Variants in CUX2 observed in about 807,000 individuals in gnomAD.
CUX2 encodes the protein homeobox protein cut-like 2.
A neutral mutation model predicts 144.8 loss-of-function variants in CUX2; 40 were observed. The observed-to-expected ratio is 0.28, with a 90% CI of 0.21 to 0.36. CUX2 has a LOEUF of 0.36. Among genes scored for constraint, CUX2 ranks in the 10% least tolerant of loss-of-function variants. The pLI, the probability that CUX2 is intolerant of heterozygous loss-of-function variation, is 1.00. For synonymous variants in CUX2, 827 were observed against 875.6 expected, an observed-to-expected ratio of 0.94 and a Z score of 0.98; for missense variants, 1,615 against 1,994.0, an observed-to-expected ratio of 0.81 and a Z score of 3.62.
intron 1 of CUX2, among the ~76,000 whole-genome samples, chr12:111,060,371 G>A (rs963039987): frequency 7.9e-5 from 12 of 152,164 alleles, no homozygotes; most frequent in African/African-American, 2.7e-4. Flanking sequence ...TAAAATCACC[G>A]TACAAACAGA....
intron 1 of CUX2, among the ~76,000 whole-genome samples, chr12:111,148,138 C>T (rs1210003175): frequency 1.3e-5 from 2 of 152,114 alleles, no homozygotes; most frequent in African/African-American, 4.8e-5. Context: ...AGGTTGCCAT[C>T]GGTGGGTAAA....
intron 3 of CUX2, among the ~76,000 whole-genome samples, chr12:111,251,470 C>T (rs1454089955): frequency 6.6e-6 from 1 of 152,144 alleles, no homozygotes; most frequent in Non-Finnish European, 1.5e-5. Context: ...GATGATTACA[C>T]TGTTGCTAAT....
intron 2 of CUX2, among the ~76,000 whole-genome samples, chr12:111,216,688 G>C (rs1881551981): frequency 1.3e-5 from 2 of 152,164 alleles, no homozygotes; most frequent in African/African-American, 2.4e-5. Flanking sequence ...ATTCTCAGAA[G>C]TTTCCTTATC....
intron 1 of CUX2, among the ~76,000 whole-genome samples, chr12:111,140,558 A>G (rs1324946314): frequency 6.6e-6 from 1 of 152,106 alleles, no homozygotes; most frequent in Non-Finnish European, 1.5e-5. Context: ...CTCCTCTTTT[A>G]TATTAATAGG....
At chr12:111,134,614 C>CTGTGTGTGTGTGTGTG (rs1159711656) in intron 1 of CUX2, among the ~76,000 whole-genome samples, 24 of 144,266 alleles carry the variant, frequency 1.7e-4, no homozygotes, top group Middle Eastern at 3.5e-3. Flanking sequence ...CTCTCTCTCT[C>CTGTGTGTGTGTGTGTG]TCTCTCTGTG....
At chr12:111,330,983 A>T (rs1051667914) in intron 18 of CUX2, among the ~76,000 whole-genome samples, 1 of 151,446 alleles carries the variant, frequency 6.6e-6, no homozygotes, top group African/African-American at 2.4e-5. Context: ...TGAGGAATGC[A>T]TAGGAGTTCA....
At chr12:111,047,829 G>T (rs374793373) in intron 1 of CUX2, among the ~76,000 whole-genome samples, 1 of 152,228 alleles carries the variant, frequency 6.6e-6, no homozygotes, top group Non-Finnish European at 1.5e-5. Context: ...AGGAAAGAGC[G>T]CTGAAATCAC....
intron 1 of CUX2, among the ~76,000 whole-genome samples, chr12:111,191,958 T>C (rs1391395187): frequency 6.6e-6 from 1 of 152,086 alleles, no homozygotes; most frequent in African/African-American, 2.4e-5. Context: ...TAAGGGAGGA[T>C]ATTTATTGAG....
At chr12:111,271,099 G>A (rs781467052) in intron 4 of CUX2, among the ~76,000 whole-genome samples, 5 of 152,170 alleles carry the variant, frequency 3.3e-5, no homozygotes, top group African/African-American at 1.2e-4. Flanking sequence ...AGTGACAAGC[G>A]TCTGCTATTG....
At chr12:111,334,807 A>G (rs1888273876) in intron 19 of CUX2, 97 bp downstream of exon 19, 1 of 1,346,142 alleles carries the variant, frequency 7.4e-7, no homozygotes, top group East Asian at 2.4e-5. Flanking sequence ...AGTGGCTCAT[A>G]CCTGTAATTC....
chr12:111,179,406 C>G (rs368057351), intron 1 of CUX2, among the ~76,000 whole-genome samples: 74 of 152,306 alleles, frequency 4.9e-4, no homozygotes, highest in African/African-American at 1.6e-3. Flanking sequence ...AAGAAATGTT[C>G]ATGATGAATT....
At chr12:111,124,449 G>A (rs1874910438) in intron 1 of CUX2, among the ~76,000 whole-genome samples, 1 of 152,210 alleles carries the variant, frequency 6.6e-6, no homozygotes. Context: ...CGTGCAGCCT[G>A]CCTGCCTTGT....
chr12:111,219,174 C>T (rs1420251177), intron 3 of CUX2, among the ~76,000 whole-genome samples: 1 of 152,114 alleles, frequency 6.6e-6, no homozygotes, highest in Non-Finnish European at 1.5e-5. Flanking sequence ...TTAAAGTAAA[C>T]AATAACTGGA....
chr12:111,121,540 C>A (rs1214221198), intron 1 of CUX2, among the ~76,000 whole-genome samples: 1 of 151,762 alleles, frequency 6.6e-6, no homozygotes, highest in Non-Finnish European at 1.5e-5. Flanking sequence ...CCACACCCAG[C>A]TAGTAGAGGT....
intron 1 of CUX2, among the ~76,000 whole-genome samples, chr12:111,179,227 A>G (rs1300218331): frequency 2.0e-5 from 3 of 152,206 alleles, no homozygotes; most frequent in Non-Finnish European, 4.4e-5. Context: ...AATGCATTTC[A>G]GCCCCAGCCC....
Position 111,307,172 on chromosome 12 carries a change from C to G in CUX2, c.1051-27C>G. On this transcript the variant is annotated intron_variant, in intron 11 of 21. Transcript: ENST00000261726. This position sits in a 1 kb window ranked among gnomAD's most constrained non-coding sequence, Gnocchi z 4.1. Reference sequence around the variant, plus strand: ...CCCCATGCAGAAGCACACAGACCAGCCTCACCATCTTTCTTTGCTCTTCTA... The same window carrying G: ...CCCCATGCAGAAGCACACAGACCAGGCTCACCATCTTTCTTTGCTCTTCTA... 6.2e-7 allele frequency: 1 copy of G among 1,613,968 alleles called. No homozygotes were observed. Among genetic ancestry groups the G allele is most frequent in the East Asian group, 2.2e-5 (1 of 44,866 alleles).
At chr12:111,213,903 G>A (rs1325507351) in intron 1 of CUX2, among the ~76,000 whole-genome samples, 2 of 151,386 alleles carry the variant, frequency 1.3e-5, no homozygotes, top group Non-Finnish European at 2.9e-5. Flanking sequence ...GGGGCAGGGG[G>A]TGGGGGGAAG....
At chr12:111,345,296 A>G (rs1256107587) in intron 21 of CUX2, among the ~76,000 whole-genome samples, 1 of 150,826 alleles carries the variant, frequency 6.6e-6, no homozygotes, top group African/African-American at 2.4e-5. Context: ...AAAAATACAA[A>G]AATTAGCATG....
At chr12:111,101,841 T>G (rs2136069581) in intron 1 of CUX2, among the ~76,000 whole-genome samples, 1 of 152,322 alleles carries the variant, frequency 6.6e-6, no homozygotes, top group South Asian at 2.1e-4. Flanking sequence ...ATGTGTGATA[T>G]CAGGCAGGTC....
Sources: gnomAD v4.1 joint callset for allele counts (sites outside exome capture counted in the v4.1 genomes callset) on GRCh38, gnomAD v4.1.1 for gene constraint, Gnocchi (gnomAD v3.1) non-coding constraint, MANE v1.5 for transcripts, NCBI Gene and HGNC (gene_info 2026-07-23, HGNC 2026-07-21) for gene names.